Variants in EGFLAM observed in about 807,000 individuals in gnomAD.
EGFLAM encodes the protein pikachurin.
Under a neutral mutation model 113.1 loss-of-function variants are expected in EGFLAM, and 79 were observed. That is an observed-to-expected ratio of 0.70 (90% CI 0.58 to 0.84). The LOEUF (loss-of-function observed/expected upper bound fraction) is 0.84, where lower values mean the gene tolerates loss of function less well. Among genes scored for constraint, EGFLAM ranks in the 40% least tolerant of loss-of-function variants. The pLI is 0.00. For synonymous variants in EGFLAM, 504 were observed against 487.6 expected (o/e 1.03, Z -0.44); for missense variants, 1,265 against 1,291.6 (o/e 0.98, Z 0.32).
chr5:38,390,920 T>C (rs1455543100), intron 6 of EGFLAM, among the ~76,000 whole-genome samples: 2 of 152,094 alleles, frequency 1.3e-5, no homozygotes, highest in African/African-American at 4.8e-5. Flanking sequence ...AATCATGTGT[T>C]GCAGGTATCT....
At chr5:38,405,370 A>G (rs934646403) in intron 6 of EGFLAM, among the ~76,000 whole-genome samples, 1 of 152,144 alleles carries the variant, frequency 6.6e-6, no homozygotes, top group Non-Finnish European at 1.5e-5. Flanking sequence ...AATTACATAT[A>G]TATGTATCCC....
intron 19 of EGFLAM, among the ~76,000 whole-genome samples, chr5:38,457,399 C>T (rs1193205181): frequency 6.6e-6 from 1 of 152,158 alleles, no homozygotes; most frequent in Non-Finnish European, 1.5e-5. Flanking sequence ...CAGGGAGAAT[C>T]GGCTCCATGC....
chr5:38,308,367 G>A (rs2111850107), intron 1 of EGFLAM, among the ~76,000 whole-genome samples: 1 of 152,320 alleles, frequency 6.6e-6, no homozygotes, highest in Middle Eastern at 3.4e-3. Flanking sequence ...CTCTGACTGG[G>A]TGACTTCTGC....
chr5:38,461,888 G>C (rs1478592172), intron 20 of EGFLAM, among the ~76,000 whole-genome samples: 1 of 152,064 alleles, frequency 6.6e-6, no homozygotes, highest in South Asian at 2.1e-4. Flanking sequence ...GCCACTGGCC[G>C]GGTGCAGTGG....
intron 1 of EGFLAM, among the ~76,000 whole-genome samples, chr5:38,296,375 G>A (rs562682418): frequency 6.6e-6 from 1 of 152,230 alleles, no homozygotes; most frequent in South Asian, 2.1e-4. Flanking sequence ...GAATAGTCTG[G>A]ATTCTCACAG....
intron 11 of EGFLAM, among the ~76,000 whole-genome samples, chr5:38,413,592 T>C (rs1741553210): frequency 6.6e-6 from 1 of 152,194 alleles, no homozygotes; most frequent in Admixed American, 6.5e-5. Flanking sequence ...ATAAACAGTT[T>C]GGATTAGCAG....
chr5:38,453,321 C>G (rs1742981818), intron 19 of EGFLAM, among the ~76,000 whole-genome samples: 1 of 152,168 alleles, frequency 6.6e-6, no homozygotes, highest in South Asian at 2.1e-4. Context: ...ATAGACAAAG[C>G]AGGGATCACT....
At chr5:38,411,257 G>A (rs779513144) in intron 10 of EGFLAM, among the ~76,000 whole-genome samples, 1 of 151,822 alleles carries the variant, frequency 6.6e-6, no homozygotes, top group Admixed American at 6.6e-5. Context: ...GCGAAACCAC[G>A]TCTCTACTAA....
chr5:38,269,581 G>A lies in EGFLAM; in HGVS notation c.97+10730G>A, dbSNP rs192136624. On this transcript the variant is annotated intron_variant, in intron 1 of 21. Transcript: ENST00000322350. ...CTCGGCTCACTGCAAGCTCCGCCTC[G>A]CAGGTTCACGCCATTCTCCTGCCTC... 6.8e-4 allele frequency among the ~76,000 whole-genome samples: 102 copies of A among 150,560 alleles called. 1 individual carries two copies. The East Asian group carries it at 0.018, about 27-fold the overall frequency.
intron 6 of EGFLAM, among the ~76,000 whole-genome samples, chr5:38,374,928 T>C (rs1740323976): frequency 1.3e-5 from 2 of 152,250 alleles, no homozygotes; most frequent in South Asian, 4.1e-4. Flanking sequence ...CATTGTCCTT[T>C]GCCCACTTTT....
intron 1 of EGFLAM, among the ~76,000 whole-genome samples, chr5:38,282,783 G>C (rs1027188899): frequency 6.6e-6 from 1 of 152,138 alleles, no homozygotes; most frequent in Non-Finnish European, 1.5e-5. Flanking sequence ...AATATATTAG[G>C]AAACTCCAAA....
Position 38,435,247 on chromosome 5 carries a change from C to A in EGFLAM, c.2277C>A (p.Ile759=). 2 of 1,612,792 alleles carry A rather than the reference C, an allele frequency of 1.2e-6. No homozygotes were observed. Among genetic ancestry groups the A allele is most frequent in the Non-Finnish European group, 1.7e-6 (2 of 1,178,838 alleles). ...SGVLKPFSGS[I]QKIILNDRTI... ...TCCTGAAGCCTTTCAGCGGGAGCAT[C>A]CAGAAGGTACAGGCATCTCTTCCTC... The change falls in exon 16 of 22, where the codon ATC becomes ATA. Residue 759 remains isoleucine (I), a synonymous_variant. Coordinates refer to ENST00000322350, the MANE Select transcript of EGFLAM (RefSeq NM_152403.4).
At chr5:38,334,995 C>T (rs1000210679) in intron 1 of EGFLAM, among the ~76,000 whole-genome samples, 2 of 152,114 alleles carry the variant, frequency 1.3e-5, no homozygotes, top group Non-Finnish European at 2.9e-5. Flanking sequence ...GGGTAGAGAC[C>T]AGGGATGCTG....
At chr5:38,268,625 C>T (rs1035174739) in intron 1 of EGFLAM, among the ~76,000 whole-genome samples, 1 of 152,094 alleles carries the variant, frequency 6.6e-6, no homozygotes, top group Non-Finnish European at 1.5e-5. Flanking sequence ...GGCTTCTTTC[C>T]CATGGATATT....
intron 6 of EGFLAM, among the ~76,000 whole-genome samples, chr5:38,379,661 C>T (rs1267375437): frequency 1.3e-5 from 2 of 151,848 alleles, no homozygotes; most frequent in African/African-American, 2.4e-5. Context: ...CACAGCAAAG[C>T]GGCTTGTGTT....
intron 14 of EGFLAM, among the ~76,000 whole-genome samples, chr5:38,427,848 G>A (rs1742066661): frequency 6.6e-6 from 1 of 152,184 alleles, no homozygotes; most frequent in South Asian, 2.1e-4. Flanking sequence ...AGCAGGAAAT[G>A]GGTGCTTCTG....
intron 1 of EGFLAM, among the ~76,000 whole-genome samples, chr5:38,317,355 T>C (rs1486642355): frequency 6.6e-6 from 1 of 152,090 alleles, no homozygotes; most frequent in Non-Finnish European, 1.5e-5. Context: ...GAAGATGGGA[T>C]GGAGGGTTGG....
At chr5:38,301,454 G>A in intron 1 of EGFLAM, among the ~76,000 whole-genome samples, 1 of 152,098 alleles carries the variant, frequency 6.6e-6, no homozygotes, top group South Asian at 2.1e-4. Context: ...CTGACTGAGG[G>A]GAGTTTAAAG....
chr5:38,341,020 C>G (rs1299871985), intron 3 of EGFLAM, among the ~76,000 whole-genome samples: 2 of 152,160 alleles, frequency 1.3e-5, no homozygotes, highest in Non-Finnish European at 2.9e-5. Flanking sequence ...TTCAACAAAA[C>G]AGCTGCTTAA....
Sources: gnomAD v4.1 joint callset for allele counts (sites outside exome capture counted in the v4.1 genomes callset) on GRCh38, gnomAD v4.1.1 for gene constraint, MANE v1.5 for transcripts, NCBI Gene and HGNC (gene_info 2026-07-23, HGNC 2026-07-21) for gene names.